TLE4: variants seen among roughly 807,000 people sequenced by gnomAD.
The protein encoded by TLE4 is transducin-like enhancer protein 4.
TLE4 carries 8 observed loss-of-function variants against 92.8 expected under a neutral mutation model. The ratio of observed to expected loss-of-function variants is 0.09; its 90% CI spans 0.05 to 0.16. The LOEUF is 0.16. TLE4 is among the 10% of genes least tolerant of loss of function. TLE4 has a pLI of 1.00. For missense variants in TLE4, 675 were observed against 997.6 expected (o/e 0.68, Z 4.36); for synonymous variants, 371 against 374.1 (o/e 0.99, Z 0.10).
chr9:79,689,206 G>A (rs563122588), intron 8 of TLE4, among the ~76,000 whole-genome samples: 1 of 152,222 alleles, frequency 6.6e-6, no homozygotes, highest in African/African-American at 2.4e-5. Context: ...TAAAGGCATA[G>A]GGCGTATGTA....
intron 14 of TLE4, among the ~76,000 whole-genome samples, chr9:79,714,148 C>T (rs891957516): frequency 1.3e-5 from 2 of 152,096 alleles, no homozygotes; most frequent in African/African-American, 2.4e-5. Context: ...CCTGAGCTAC[C>T]GCGCCCAACA....
At chr9:79,678,012 G>A (rs2063605247) in intron 8 of TLE4, among the ~76,000 whole-genome samples, 1 of 152,068 alleles carries the variant, frequency 6.6e-6, no homozygotes, top group South Asian at 2.1e-4. Flanking sequence ...TGTTAACAAA[G>A]CAACTAGTGA....
chr9:79,654,258 A>T (rs1367229648), intron 8 of TLE4, among the ~76,000 whole-genome samples, 183 bp downstream of exon 8: 2 of 145,546 alleles, frequency 1.4e-5, no homozygotes, highest in Non-Finnish European at 3.0e-5. Context: ...TAAAGGTCCC[A>T]TTTCTCTATC....
chr9:79,643,842 A>G (rs1318171289), intron 6 of TLE4, among the ~76,000 whole-genome samples: 1 of 152,178 alleles, frequency 6.6e-6, no homozygotes, highest in Non-Finnish European at 1.5e-5. Flanking sequence ...TTGACATGGT[A>G]AAACAGTAAA....
chr9:79,641,599 T>G (rs1196253825), intron 6 of TLE4, among the ~76,000 whole-genome samples: 3 of 152,214 alleles, frequency 2.0e-5, no homozygotes, highest in Non-Finnish European at 2.9e-5. Flanking sequence ...ACTGCTTTTC[T>G]CTTGCTTCTG....
Position 79,708,741 on chromosome 9 carries a change from T to C in TLE4, c.1218T>C (p.Ala406=). 1 of 1,609,344 alleles carries C rather than the reference T, an allele frequency of 6.2e-7. No individual in the cohort carries two copies. Among genetic ancestry groups the C allele is most frequent in the Non-Finnish European group, 8.5e-7 (1 of 1,179,564 alleles). Residue 406 remains alanine (A), a synonymous_variant, in exon 13 of 20, where the codon GCT becomes GCC. Coordinates refer to ENST00000376552, the MANE Select transcript of TLE4 (RefSeq NM_007005.6). ...LHNISPQMSA[A]AAAAAAAAAY... Reference sequence around the variant, plus strand: ...ACATCTCCCCTCAGATGAGCGCAGCTGCTGCCGCCGCCGCTGCTGCTGCTG... The same window carrying C: ...ACATCTCCCCTCAGATGAGCGCAGCCGCTGCCGCCGCCGCTGCTGCTGCTG...
At chr9:79,706,607 G>A in intron 10 of TLE4, 140 bp from the exon 11 acceptor site, 2 of 1,074,188 alleles carry the variant, frequency 1.9e-6, no homozygotes, top group South Asian at 3.8e-5. Context: ...AGTAGTTTCA[G>A]TGAGTATTGT....
chr9:79,695,487 C>T (rs1384697827), intron 8 of TLE4, among the ~76,000 whole-genome samples: 1 of 152,030 alleles, frequency 6.6e-6, no homozygotes, highest in Non-Finnish European at 1.5e-5. Flanking sequence ...ATATAATGAA[C>T]ATAATATGGT....
chr9:79,572,974 C>G (rs552103743), intron 1 of TLE4, 139 bp downstream of exon 1: 1 of 875,806 alleles, frequency 1.1e-6, no homozygotes, highest in Non-Finnish European at 1.7e-6. Flanking sequence ...GGGAGCAGCC[C>G]GCCCGCCATC....
chr9:79,715,945 A>G (rs1044054510), intron 14 of TLE4, among the ~76,000 whole-genome samples: 1 of 152,062 alleles, frequency 6.6e-6, no homozygotes, highest in African/African-American at 2.4e-5. Context: ...TCCACGTTCT[A>G]TTTCCAACTT....
intron 8 of TLE4, among the ~76,000 whole-genome samples, chr9:79,681,234 C>G (rs1470678967): frequency 6.6e-6 from 1 of 152,062 alleles, no homozygotes; most frequent in African/African-American, 2.4e-5. Context: ...AAGATTTACT[C>G]TGGGGGAAAT....
intron 8 of TLE4, among the ~76,000 whole-genome samples, chr9:79,654,578 A>G (rs888738760): frequency 1.3e-5 from 2 of 152,088 alleles, no homozygotes; most frequent in South Asian, 4.1e-4. Flanking sequence ...TTTCAAATTA[A>G]CATTTTGGTA....
At chr9:79,717,404 G>A (rs1295249847) in intron 14 of TLE4, among the ~76,000 whole-genome samples, 1 of 152,098 alleles carries the variant, frequency 6.6e-6, no homozygotes, top group Non-Finnish European at 1.5e-5. Context: ...AATGTCTTCT[G>A]TCCATTGGCT....
chr9:79,635,027 T>G (rs534531137), intron 6 of TLE4, among the ~76,000 whole-genome samples: 6 of 152,332 alleles, frequency 3.9e-5, no homozygotes, highest in African/African-American at 1.4e-4. Context: ...CACGTTAAAC[T>G]TTCCAAGTAA....
intron 4 of TLE4, among the ~76,000 whole-genome samples, chr9:79,608,525 GA>G (rs2132926314): frequency 6.6e-6 from 1 of 152,126 alleles, no homozygotes; most frequent in Non-Finnish European, 1.5e-5. Flanking sequence ...TAAAGTGGAT[GA>G]ATGTATGTTC....
intron 8 of TLE4, 37 bp downstream of exon 8, chr9:79,654,112 A>C: frequency 6.3e-7 from 1 of 1,590,694 alleles, no homozygotes; most frequent in Non-Finnish European, 8.6e-7. Flanking sequence ...GAATGGCTTA[A>C]AAGGGCTGTA....
chr9:79,662,477 C>T (rs902933700), intron 8 of TLE4, among the ~76,000 whole-genome samples: 3 of 151,968 alleles, frequency 2.0e-5, no homozygotes, highest in Admixed American at 6.5e-5. Flanking sequence ...TTTTTTTAAA[C>T]TTCTGTTTTT....
At chr9:79,639,062 G>C (rs1300372374) in intron 6 of TLE4, among the ~76,000 whole-genome samples, 2 of 152,068 alleles carry the variant, frequency 1.3e-5, no homozygotes, top group Non-Finnish European at 2.9e-5. Context: ...CATGGAGAGA[G>C]AATTATCCTC....
intron 8 of TLE4, among the ~76,000 whole-genome samples, chr9:79,671,995 CTTTTTTTTTT>C (rs773064446): frequency 8.0e-4 from 27 of 33,712 alleles, no homozygotes; most frequent in South Asian, 3.6e-3. Context: ...AAACAAAACA[CTTTTTTTTTT>C]TTTTTTTTTT....
Sources: allele counts gnomAD v4.1 joint callset (sites outside exome capture counted in the v4.1 genomes callset), GRCh38; gene constraint gnomAD v4.1.1; transcripts MANE v1.5; gene names NCBI Gene and HGNC (gene_info 2026-07-23, HGNC 2026-07-21).